Variants in PLVAP observed in about 807,000 individuals in gnomAD.
PLVAP encodes the protein plasmalemma vesicle associated protein.
In PLVAP, 34 loss-of-function variants were observed where a neutral mutation model predicts 43.1. That is an observed-to-expected ratio of 0.79 (90% CI 0.60 to 1.05). The LOEUF (loss-of-function observed/expected upper bound fraction) is 1.05, where lower values mean the gene tolerates loss of function less well. Ranked by LOEUF, PLVAP falls within the 50% of genes least tolerant of loss-of-function variation. The pLI is 0.00. For missense variants in PLVAP, 574 were observed against 593.4 expected, an observed-to-expected ratio of 0.97 and a Z score of 0.34; for synonymous variants, 241 against 237.3, an observed-to-expected ratio of 1.02 and a Z score of -0.14.
At position 17,377,122 on chromosome 19, in the gene PLVAP, G is replaced by C. The variant is rs757494591; in HGVS notation, c.167C>G (p.Thr56Arg). 2 of 1,614,126 alleles carry C rather than the reference G, an allele frequency of 1.2e-6. No homozygotes were observed. The highest frequency in any genetic ancestry group is 1.7e-6 in the Non-Finnish European group (2 of 1,179,992). Residue 56 changes from threonine to arginine, a missense_variant, in exon 1 of 6, where the codon ACA becomes AGA. Thr to Arg is a moderately conservative substitution (Grantham distance 71). Coordinates refer to ENST00000252590, the MANE Select transcript of PLVAP (RefSeq NM_031310.3). Reference protein sequence around the residue: ...FMVYGNVHVSTESNLQATERR... With the variant: ...FMVYGNVHVSRESNLQATERR... ...CTCGGTGGCCTGCAGGTTGGACTCT[G>C]TGCTCACGTGCACGTTGCCATAGAC...
intron 1 of PLVAP, among the ~76,000 whole-genome samples, chr19:17,376,036 T>C (rs554722677): frequency 1.4e-4 from 21 of 150,968 alleles, no homozygotes; most frequent in African/African-American, 4.9e-4. Flanking sequence ...AAAAATGACC[T>C]GGGCATAGTG....
At chr19:17,371,832 A>G (rs2074573185) in intron 1 of PLVAP, among the ~76,000 whole-genome samples, 1 of 152,230 alleles carries the variant, frequency 6.6e-6, no homozygotes, top group Non-Finnish European at 1.5e-5. Context: ...AACTAAAGCC[A>G]TGCCTTTCAA....
At chr19:17,358,207 G>C (rs2074513715) in intron 5 of PLVAP, among the ~76,000 whole-genome samples, 4 of 151,856 alleles carry the variant, frequency 2.6e-5, no homozygotes. Flanking sequence ...CTAGAGCAAA[G>C]GGGTTGAGAG....
At chr19:17,355,406 A>G (rs1449903552) in intron 5 of PLVAP, among the ~76,000 whole-genome samples, 1 of 151,912 alleles carries the variant, frequency 6.6e-6, no homozygotes, top group Non-Finnish European at 1.5e-5. Context: ...TCTGTCACCC[A>G]GGTTGGAGTG....
intron 1 of PLVAP, among the ~76,000 whole-genome samples, chr19:17,374,823 T>TATG (rs930482261): frequency 6.6e-5 from 9 of 137,122 alleles, no homozygotes; most frequent in African/African-American, 2.4e-4. Context: ...TGTATGTATG[T>TATG]ATGTATTTAT....
At position 17,376,192 on chromosome 19, in the gene PLVAP, G is replaced by T. The variant is rs564896994; in HGVS notation, c.369+728C>A. Among the ~76,000 whole-genome samples, 11 of 151,122 alleles carry T rather than the reference G, an allele frequency of 7.3e-5. No individual in the cohort carries two copies. The South Asian group carries it at 1.0e-3, about 14-fold the overall frequency. On this transcript the variant is annotated intron_variant, in intron 1 of 5. Transcript: ENST00000252590. ...GACCCTGCCTCCAAAAAAAAGAAAA[G>T]AAATAAAAAAAATTTAGCTGGACGC...
At chr19:17,376,011 C>T (rs1418181244) in intron 1 of PLVAP, among the ~76,000 whole-genome samples, 5 of 150,680 alleles carry the variant, frequency 3.3e-5, no homozygotes, top group East Asian at 3.9e-4. Flanking sequence ...CGAGACCCCA[C>T]GTCTACTAAA....
At chr19:17,354,689 G>C (rs1182190542) in intron 5 of PLVAP, among the ~76,000 whole-genome samples, 1 of 151,198 alleles carries the variant, frequency 6.6e-6, no homozygotes, top group African/African-American at 2.4e-5. Context: ...ACGAGATGAG[G>C]AGATCGAGAC....
At chr19:17,374,935 C>T (rs974291115) in intron 1 of PLVAP, among the ~76,000 whole-genome samples, 3 of 152,100 alleles carry the variant, frequency 2.0e-5, no homozygotes, top group Admixed American at 2.0e-4. Context: ...TCTCCTGCCT[C>T]AGCCTCCCGA....
At chr19:17,357,054 C>T (rs2074509564) in intron 5 of PLVAP, among the ~76,000 whole-genome samples, 1 of 151,592 alleles carries the variant, frequency 6.6e-6, no homozygotes, top group Admixed American at 6.6e-5. Flanking sequence ...CCAAGGAGGG[C>T]GGATCACTTG....
At chr19:17,365,201 C>A (rs960686595) in intron 3 of PLVAP, 85 bp downstream of exon 3, 61 of 1,309,510 alleles carry the variant, frequency 4.7e-5, no homozygotes, top group Non-Finnish European at 6.1e-5. Context: ...ATCCTCAAAG[C>A]CAACTCCAAG....
intron 1 of PLVAP, among the ~76,000 whole-genome samples, chr19:17,374,833 T>C (rs1488242295): frequency 1.3e-5 from 2 of 151,608 alleles, no homozygotes; most frequent in African/African-American, 4.8e-5. Context: ...TATGTATTTA[T>C]TTTTAGACAG....
chr19:17,376,908 C>T lies in PLVAP; in HGVS notation c.369+12G>A, dbSNP rs759785285. On this transcript the variant is annotated intron_variant, in intron 1 of 5. Transcript: ENST00000252590. ...AGGGTCCCCAGGGCGAGTGTCCTGCCCACAGCCTTACCCGGTCACCCTGGC... is the reference window on the plus strand; with the variant it reads ...AGGGTCCCCAGGGCGAGTGTCCTGCTCACAGCCTTACCCGGTCACCCTGGC... 3 of 1,607,646 alleles carry T rather than the reference C, an allele frequency of 1.9e-6. No individual in the cohort carries two copies. Among genetic ancestry groups the T allele is most frequent in the Admixed American group, 3.3e-5 (2 of 59,786 alleles).
chr19:17,368,743 C>T (rs1440219396), intron 1 of PLVAP, among the ~76,000 whole-genome samples: 1 of 151,994 alleles, frequency 6.6e-6, no homozygotes, highest in East Asian at 1.9e-4. Flanking sequence ...TCTGGGAGGC[C>T]AAGGCGGGTG....
chr19:17,371,482 T>A (rs2074571893), intron 1 of PLVAP, among the ~76,000 whole-genome samples: 1 of 151,796 alleles, frequency 6.6e-6, no homozygotes, highest in South Asian at 2.1e-4. Context: ...CAGCTATTTT[T>A]ATTTTAATTT....
intron 1 of PLVAP, 52 bp downstream of exon 1, chr19:17,376,868 T>G: frequency 6.5e-7 from 1 of 1,528,152 alleles, no homozygotes; most frequent in South Asian, 1.2e-5. Flanking sequence ...CTCAGAGAGG[T>G]GAGGGGGCTT....
intron 5 of PLVAP, among the ~76,000 whole-genome samples, chr19:17,355,986 G>A (rs901982891): frequency 2.0e-5 from 3 of 152,212 alleles, no homozygotes; most frequent in African/African-American, 7.2e-5. Flanking sequence ...GAAAGCTGGC[G>A]CACACATCAC....
At position 17,366,210 on chromosome 19, in the gene PLVAP, G is replaced by A; in HGVS notation, c.370-15C>T. 6.2e-7 allele frequency: 1 copy of A among 1,612,872 alleles called. No individual in the cohort carries two copies. Among genetic ancestry groups the A allele is most frequent in the Non-Finnish European group, 8.5e-7 (1 of 1,179,272 alleles). ...GTGTAGATGACCTGCCCGGAAGATAGGGGAAGGACGCAGGACAGAGCTTAG... is the reference window on the plus strand; with the variant it reads ...GTGTAGATGACCTGCCCGGAAGATAAGGGAAGGACGCAGGACAGAGCTTAG... On this transcript the variant is annotated splice_polypyrimidine_tract_variant and intron_variant, in intron 1 of 5. Coordinates refer to ENST00000252590, the MANE Select transcript of PLVAP (RefSeq NM_031310.3).
intron 5 of PLVAP, among the ~76,000 whole-genome samples, chr19:17,356,797 T>G (rs997572803): frequency 6.6e-6 from 1 of 151,204 alleles, no homozygotes; most frequent in Non-Finnish European, 1.5e-5. Flanking sequence ...CCGTCTCTAC[T>G]AAAAAAACAA....
Sources: allele counts gnomAD v4.1 joint callset (sites outside exome capture counted in the v4.1 genomes callset), GRCh38; gene constraint gnomAD v4.1.1; transcripts MANE v1.5; gene names NCBI Gene and HGNC (gene_info 2026-07-23, HGNC 2026-07-21).